Variants in S1PR1 observed in about 807,000 individuals in gnomAD.
S1PR1 encodes sphingosine 1-phosphate receptor 1.
Under a neutral mutation model 18.3 loss-of-function variants are expected in S1PR1, and 2 were observed. The observed-to-expected ratio is 0.11, with a 90% CI of 0.04 to 0.34. The LOEUF (loss-of-function observed/expected upper bound fraction) is 0.34, where lower values mean the gene tolerates loss of function less well. Ranked by LOEUF, S1PR1 falls within the 10% of genes least tolerant of loss-of-function variation. S1PR1 has a pLI of 1.00. For synonymous variants in S1PR1, 222 were observed against 211.2 expected, an observed-to-expected ratio of 1.05 and a Z score of -0.44; for missense variants, 335 against 493.8, an observed-to-expected ratio of 0.68 and a Z score of 3.05.
chr1:101,240,232 G>C lies in S1PR1; in HGVS notation c.*99G>C. ...TCTGGGCTTCGACTGCTGCCAGGGA[G>C]GAGCTGCTGCAAGCCAGAGGGAGGA... On this transcript the variant is annotated 3_prime_UTR_variant, in exon 2 of 2. Transcript: ENST00000305352. 2 of 1,312,862 alleles carry C rather than the reference G, an allele frequency of 1.5e-6. No homozygotes were observed. The highest frequency in any genetic ancestry group is 2.4e-5 in the East Asian group (1 of 40,822). The allele number at this position is 1,312,862 out of a possible 1,614,324, so 81.3% of individuals were successfully genotyped here.
Position 101,238,880 on chromosome 1 carries a change from C to T in S1PR1, c.-105C>T. ...AAAGCTACACAAAAAGCCTGGATCA[C>T]TCATCGAACCACCCCTGAAGCCAGT... On this transcript the variant is annotated 5_prime_UTR_variant, in exon 2 of 2. Coordinates refer to ENST00000305352, the MANE Select transcript of S1PR1 (RefSeq NM_001400.5). 8.9e-7 allele frequency: 1 copy of T among 1,124,308 alleles called. No homozygotes were observed. The highest frequency in any genetic ancestry group is 1.2e-6 in the Non-Finnish European group (1 of 809,012). 69.6% of individuals were successfully genotyped at this position (1,124,308 alleles called of 1,614,324 possible).
Position 101,238,816 on chromosome 1 carries a change from T to C in S1PR1, c.-163-6T>C. 3 of 638,114 alleles carry C rather than the reference T, an allele frequency of 4.7e-6. No homozygotes were observed. Among genetic ancestry groups the C allele is most frequent in the Non-Finnish European group, 8.1e-6 (3 of 371,434 alleles). The allele number at this position is 638,114 out of a possible 1,614,324, so 39.5% of individuals were successfully genotyped here. A position where few individuals can be genotyped will look rare whatever the true frequency, so the allele number is the denominator to read the frequency against. On this transcript the variant is annotated splice_region_variant and splice_polypyrimidine_tract_variant and intron_variant, in intron 1 of 1. Coordinates refer to ENST00000305352, the MANE Select transcript of S1PR1 (RefSeq NM_001400.5). ...TTCCCTGACTCTCTCCTCTGACTTG[T>C]TTAAGGCTGCGGTTTCCGAGGCCCT...
In S1PR1 at chr1:101,239,720, C is replaced by T. The variant is rs1247878561; in HGVS notation, c.736C>T (p.Arg246Cys). ...TFRKNISKAS[R>C]SSEKSLALLK... is the part of the protein sequence containing the mutation. Reference sequence around the variant, plus strand: ...CCGCAAGAACATTTCCAAGGCCAGCCGCAGCTCTGAGAAGTCGCTGGCGCT... The same window carrying T: ...CCGCAAGAACATTTCCAAGGCCAGCTGCAGCTCTGAGAAGTCGCTGGCGCT... Residue 246 changes from arginine (R) to cysteine (C), a missense_variant, in exon 2 of 2, where the codon CGC becomes TGC. By Grantham distance (180) the Arg-to-Cys change is radical. Around this residue, in one of 3 missense-constraint regions of S1PR1, gnomAD observed 214 missense variants for 366.6 expected, o/e 0.58. Coordinates refer to ENST00000305352, the MANE Select transcript of S1PR1 (RefSeq NM_001400.5). The surrounding 1 kb of genome is among the most constrained non-coding windows in gnomAD (Gnocchi z 6.3). 1 of 1,613,988 alleles carries T rather than the reference C, an allele frequency of 6.2e-7. No homozygotes were observed. Among genetic ancestry groups the T allele is most frequent in the East Asian group, 2.2e-5 (1 of 44,866 alleles).
chr1:101,238,793 C>T (rs202087090), intron 1 of S1PR1, 29 bp from the exon 2 acceptor site: 5 of 602,016 alleles, frequency 8.3e-6, no homozygotes, highest in Non-Finnish European at 5.9e-6. Flanking sequence ...GTGGCTCTTT[C>T]CCTGACTCTC....
intron 1 of S1PR1, among the ~76,000 whole-genome samples, chr1:101,237,417 C>T (rs774410721): frequency 6.6e-5 from 10 of 152,098 alleles, no homozygotes; most frequent in Non-Finnish European, 1.5e-4. Context: ...ATCCTATAGA[C>T]AAAGAATATG....
At chr1:101,237,397 A>C (rs1652745400) in intron 1 of S1PR1, among the ~76,000 whole-genome samples, 1 of 152,164 alleles carries the variant, frequency 6.6e-6, no homozygotes, top group African/African-American at 2.4e-5. Context: ...GAAGGCGTTA[A>C]ATTTTGGAAA....
At position 101,239,042 on chromosome 1, in the gene S1PR1, G is replaced by A. The variant is rs750769278; in HGVS notation, c.58G>A (p.Val20Ile). 1.4e-5 allele frequency: 22 copies of A among 1,614,132 alleles called. No individual in the cohort carries two copies. The highest frequency in any genetic ancestry group is 1.9e-5 in the Non-Finnish European group (22 of 1,180,044). Residue 20 changes from valine to isoleucine, a missense_variant, in exon 2 of 2, where the codon GTC (valine) becomes ATC (isoleucine). Transcript: ENST00000305352. The surrounding 1 kb of genome is among the most constrained non-coding windows in gnomAD (Gnocchi z 6.3). ...CCACCGCAGCTCGGTCTCTGACTAC[G>A]TCAACTATGATATCATCGTCCGGCA... ...KAHRSSVSDY[V>I]NYDIIVRHYN...
chr1:101,237,442 G>A (rs1425922898), intron 1 of S1PR1, among the ~76,000 whole-genome samples: 1 of 152,178 alleles, frequency 6.6e-6, no homozygotes, highest in African/African-American at 2.4e-5. Context: ...GTGGTGTGGA[G>A]CGTGGGTAAT....
Position 101,240,059 on chromosome 1 carries a change from T to G in S1PR1, c.1075T>G (p.Ser359Ala). ...CAGCCGCAGCAAATCGGACAATTCC[T>G]CCCACCCCCAGAAAGACGAAGGGGA... Reference protein sequence around the residue: ...EFSRSKSDNSSHPQKDEGDNP... With the variant: ...EFSRSKSDNSAHPQKDEGDNP... The change falls in exon 2 of 2, where the codon TCC (serine) becomes GCC (alanine). Residue 359 changes from serine (S) to alanine (A), a missense_variant. Physicochemically the swap from Ser to Ala is moderately conservative, Grantham distance 99 (BLOSUM62 1). Transcript: ENST00000305352. The G allele has an allele frequency of 6.2e-7, 1 of 1,613,676 alleles. No individual in the cohort carries two copies. The highest frequency in any genetic ancestry group is 8.5e-7 in the Non-Finnish European group (1 of 1,180,032).
intron 1 of S1PR1, among the ~76,000 whole-genome samples, chr1:101,238,557 A>G (rs1229200982): frequency 3.3e-5 from 5 of 151,138 alleles, no homozygotes; most frequent in Non-Finnish European, 5.9e-5. Flanking sequence ...CACAGCCAAC[A>G]TCGTAATTCC....
chr1:101,240,060 C>G lies in S1PR1; in HGVS notation c.1076C>G (p.Ser359Cys). The G allele has an allele frequency of 1.2e-6, 2 of 1,613,632 alleles. No homozygotes were observed. Among genetic ancestry groups the G allele is most frequent in the South Asian group, 2.2e-5 (2 of 91,078 alleles). ...EFSRSKSDNS[S>C]HPQKDEGDNP... ...AGCCGCAGCAAATCGGACAATTCCT[C>G]CCACCCCCAGAAAGACGAAGGGGAC... The change falls in exon 2 of 2, where the codon TCC becomes TGC. Residue 359 changes from serine to cysteine, a missense_variant. Ser to Cys is a moderately radical substitution (Grantham distance 112). Around this residue, in one of 3 missense-constraint regions of S1PR1, gnomAD observed 90 missense variants for 97.6 expected, o/e 0.92. Transcript: ENST00000305352.
In S1PR1 at chr1:101,239,632, C is replaced by A; in HGVS notation, c.648C>A (p.Ser216=). 1 of 1,614,128 alleles carries A rather than the reference C, an allele frequency of 6.2e-7. No individual in the cohort carries two copies. Among genetic ancestry groups the A allele is most frequent in the Non-Finnish European group, 8.5e-7 (1 of 1,180,032 alleles). The stretch of plus-strand genomic sequence containing the variant: ...CGGTCTTCACTCTGCTTCTGCTCTC[C>A]ATCGTCATTCTGTACTGCAGAATCT... ...CTTVFTLLLL[S]IVILYCRIYS... The change falls in exon 2 of 2, where the codon TCC becomes TCA. Residue 216 remains serine (S), a synonymous_variant. Transcript: ENST00000305352. The surrounding 1 kb of genome is among the most constrained non-coding windows in gnomAD (Gnocchi z 6.3).
At position 101,239,021 on chromosome 1, in the gene S1PR1, C is replaced by G. The variant is rs41287280; in HGVS notation, c.37C>G (p.Arg13Gly). 29,384 of 1,614,166 alleles carry G rather than the reference C, an allele frequency of 0.018. 341 individuals carry two copies. Among genetic ancestry groups the G allele is most frequent in the Non-Finnish European group, 0.021 (24,952 of 1,179,984 alleles). Residue 13 changes from arginine to glycine, a missense_variant, in exon 2 of 2, where the codon CGC becomes GGC. Physicochemically the swap from Arg to Gly is moderately radical, Grantham distance 125. This residue lies in a region of S1PR1 where 31 missense variants were observed against 29.6 expected (regional missense o/e 1.05). Transcript: ENST00000305352. The surrounding 1 kb of genome is among the most constrained non-coding windows in gnomAD (Gnocchi z 6.3). ...PTSVPLVKAH[R>G]SSVSDYVNYD... ...CAGCGTCCCGCTGGTCAAGGCCCAC[C>G]GCAGCTCGGTCTCTGACTACGTCAA...
In S1PR1 at chr1:101,238,841, T is replaced by C. The variant is rs200434002; in HGVS notation, c.-144T>C. 5 of 780,594 alleles carry C rather than the reference T, an allele frequency of 6.4e-6. No homozygotes were observed. Among genetic ancestry groups the C allele is most frequent in the Non-Finnish European group, 1.0e-5 (5 of 501,044 alleles). The allele number at this position is 780,594 out of a possible 1,614,324, so 48.4% of individuals were successfully genotyped here. On this transcript the variant is annotated 5_prime_UTR_variant, in exon 2 of 2. Transcript: ENST00000305352. ...TTTAAGGCTGCGGTTTCCGAGGCCC[T>C]CTCCAGCCAAGGAAAAGCTACACAA...
In S1PR1 at chr1:101,240,204, A is replaced by AG; in HGVS notation, c.*71_*72insG. The stretch of plus-strand genomic sequence containing the variant: ...TGGCCACCCCAGTGTTTGGAAAAAA[A>AG]TCTCTGGGCTTCGACTGCTGCCAGG... On this transcript the variant is annotated 3_prime_UTR_variant, in exon 2 of 2. Transcript: ENST00000305352. The AG allele has an allele frequency of 1.3e-6, 2 of 1,538,564 alleles. No individual in the cohort carries two copies. Among genetic ancestry groups the AG allele is most frequent in the Non-Finnish European group, 1.8e-6 (2 of 1,126,724 alleles).
chr1:101,237,499 G>C (rs531788991), intron 1 of S1PR1, among the ~76,000 whole-genome samples: 8 of 152,320 alleles, frequency 5.3e-5, no homozygotes, highest in African/African-American at 1.9e-4. Context: ...ATTAGTTGGG[G>C]GAAAATGCGG....
Position 101,239,548 on chromosome 1 carries a change from G to T in S1PR1, c.564G>T (p.Leu188=). The change falls in exon 2 of 2, where the codon CTG becomes CTT. Residue 188 remains leucine, a synonymous_variant. Coordinates refer to ENST00000305352, the MANE Select transcript of S1PR1 (RefSeq NM_001400.5). This position sits in a 1 kb window ranked among gnomAD's most constrained non-coding sequence, Gnocchi z 6.3. Reference sequence around the variant, plus strand: ...TGGGCTGGAACTGCATCAGTGCGCTGTCCAGCTGCTCCACCGTGCTGCCGC... The same window carrying T: ...TGGGCTGGAACTGCATCAGTGCGCTTTCCAGCTGCTCCACCGTGCTGCCGC... ...PIMGWNCISA[L]SSCSTVLPLY... The T allele has an allele frequency of 6.2e-7, 1 of 1,613,948 alleles. No individual in the cohort carries two copies.
Position 101,238,990 on chromosome 1 carries a change from G to A in S1PR1, c.6G>A (p.Gly2=). 6.2e-7 allele frequency: 1 copy of A among 1,612,288 alleles called. No individual in the cohort carries two copies. The highest frequency in any genetic ancestry group is 8.5e-7 in the Non-Finnish European group (1 of 1,178,870). ...GGGGACACAGGGTTGGCACCATGGG[G>A]CCCACCAGCGTCCCGCTGGTCAAGG... The part of the protein sequence containing the change: M[G]PTSVPLVKAH... Residue 2 remains glycine (G), a synonymous_variant, in exon 2 of 2, where the codon GGG becomes GGA. Coordinates refer to ENST00000305352, the MANE Select transcript of S1PR1 (RefSeq NM_001400.5).
At chr1:101,241,864 T>TA (rs1258395701), downstream of S1PR1, among the ~76,000 whole-genome samples, 1 of 152,306 alleles carries the variant, frequency 6.6e-6, no homozygotes, top group East Asian at 1.9e-4. Context: ...TTAAAGAAAT[T>TA]ATACACAAAA....
Sources: allele counts gnomAD v4.1 joint callset (sites outside exome capture counted in the v4.1 genomes callset), GRCh38; gene constraint gnomAD v4.1.1; regional missense constraint gnomAD v4.1.1; non-coding constraint Gnocchi (gnomAD v3.1); transcripts MANE v1.5; gene names NCBI Gene and HGNC (gene_info 2026-07-23, HGNC 2026-07-21).